HIVEP2: variants seen among roughly 807,000 people sequenced by gnomAD.
HIVEP2 encodes transcription factor HIVEP2.
A neutral mutation model predicts 180.7 loss-of-function variants in HIVEP2; 14 were observed. That is an observed-to-expected ratio of 0.08 (90% CI 0.05 to 0.12). HIVEP2 has a LOEUF of 0.12. HIVEP2 is among the 10% of genes least tolerant of loss of function. HIVEP2 has a pLI of 1.00. For missense variants in HIVEP2, 2,579 were observed against 3,008.5 expected, an observed-to-expected ratio of 0.86 and a Z score of 3.34; for synonymous variants, 1,184 against 1,136.4, an observed-to-expected ratio of 1.04 and a Z score of -0.84.
chr6:142,755,452 A>G (rs909185904), intron 9 of HIVEP2, among the ~76,000 whole-genome samples: 4 of 152,252 alleles, frequency 2.6e-5, no homozygotes, highest in African/African-American at 9.6e-5. Context: ...AAGATAATCA[A>G]GTACGTTTTC....
In HIVEP2 at chr6:142,753,690, A is replaced by G. The variant is rs1458127834; in HGVS notation, c.6758T>C (p.Leu2253Ser). ...ALSSLHPSPT[L>S]PLPMEGFEEK... ...CTCAAAGCCCTCCATTGGCAGGGGC[A>G]ATGTGGGTGAAGGATGTAAACTGGA... Residue 2253 changes from leucine (L) to serine (S), a missense_variant, in exon 10 of 10, where the codon TTG becomes TCG. Leu to Ser is a moderately radical substitution (Grantham distance 145, BLOSUM62 -2). Around this residue, in one of 11 missense-constraint regions of HIVEP2, gnomAD observed 660 missense variants for 731.7 expected, o/e 0.90. Transcript: ENST00000367603. 1.4e-5 allele frequency: 23 copies of G among 1,614,042 alleles called. No homozygotes were observed. Among genetic ancestry groups the G allele is most frequent in the Non-Finnish European group, 1.9e-5 (22 of 1,180,030 alleles).
At chr6:142,756,287 AAGG>A (rs1343072739) in intron 9 of HIVEP2, among the ~76,000 whole-genome samples, 1 of 152,124 alleles carries the variant, frequency 6.6e-6, no homozygotes, top group South Asian at 2.1e-4. Context: ...GGGAGCAGAG[AAGG>A]AGAAGTGACC....
At chr6:142,869,277 C>T (rs766021599) in intron 1 of HIVEP2, among the ~76,000 whole-genome samples, 4 of 152,178 alleles carry the variant, frequency 2.6e-5, no homozygotes, top group Non-Finnish European at 5.9e-5. Flanking sequence ...ATGCTTTCTT[C>T]TAGCTACCTA....
chr6:142,823,801 C>T (rs1052531628), intron 2 of HIVEP2, among the ~76,000 whole-genome samples: 8 of 152,144 alleles, frequency 5.3e-5, no homozygotes, highest in Non-Finnish European at 7.4e-5. Context: ...ACACTAAAAA[C>T]AAACTTGTGA....
At chr6:142,829,729 C>G (rs889773943) in intron 2 of HIVEP2, among the ~76,000 whole-genome samples, 4 of 152,184 alleles carry the variant, frequency 2.6e-5, no homozygotes, top group Non-Finnish European at 5.9e-5. Context: ...CAAAAAAGCT[C>G]AGGTTCCATG....
chr6:142,783,253 G>A (rs188768064), intron 3 of HIVEP2, among the ~76,000 whole-genome samples: 66 of 148,574 alleles, frequency 4.4e-4, no homozygotes, highest in African/African-American at 8.5e-4. Flanking sequence ...ACTTGAACTC[G>A]GGAGGCAGAG....
rs773570163 is a variant in HIVEP2, at chr6:142,761,420, G to A, written c.5620+44C>T. The A allele has an allele frequency of 1.2e-5, 11 of 940,542 alleles. No homozygotes were observed. The South Asian group carries it at 1.4e-4, about 12-fold the overall frequency. The allele number at this position is 940,542 out of a possible 1,614,324, so 58.3% of individuals were successfully genotyped here. A position where few individuals can be genotyped will look rare whatever the true frequency, so the allele number is the denominator to read the frequency against. ...ACTACCTCAGCCACAGAGCTCCACT[G>A]TGCATAATGAAGAGGTCTGTCAACT... On this transcript the variant is annotated intron_variant, in intron 8 of 9. Transcript: ENST00000367603.
intron 2 of HIVEP2, among the ~76,000 whole-genome samples, chr6:142,788,826 A>T (rs1776070623): frequency 6.6e-6 from 1 of 152,220 alleles, no homozygotes; most frequent in Non-Finnish European, 1.5e-5. Context: ...ATATAAACAG[A>T]TTACAAAGGA....
chr6:142,914,118 G>A (rs1476228262), intron 1 of HIVEP2, among the ~76,000 whole-genome samples: 1 of 152,176 alleles, frequency 6.6e-6, no homozygotes, highest in Non-Finnish European at 1.5e-5. Flanking sequence ...CGTATCCGTA[G>A]GTAACCGTGG....
intron 1 of HIVEP2, among the ~76,000 whole-genome samples, chr6:142,901,171 T>G (rs1051333975): frequency 6.6e-6 from 1 of 152,204 alleles, no homozygotes; most frequent in Non-Finnish European, 1.5e-5. Flanking sequence ...AGTGCATACA[T>G]GATGTGTGAG....
At chr6:142,825,122 T>G (rs1774847038) in intron 2 of HIVEP2, among the ~76,000 whole-genome samples, 1 of 152,212 alleles carries the variant, frequency 6.6e-6, no homozygotes, top group Admixed American at 6.5e-5. Flanking sequence ...CCTTCACACT[T>G]AGAAGCTTAG....
Position 142,773,390 on chromosome 6 carries a change from A to C in HIVEP2, c.1349T>G (p.Met450Arg). 1 of 1,614,026 alleles carries C rather than the reference A, an allele frequency of 6.2e-7. No homozygotes were observed. The highest frequency in any genetic ancestry group is 8.5e-7 in the Non-Finnish European group (1 of 1,180,014). Residue 450 changes from methionine (M) to arginine (R), a missense_variant, in exon 5 of 10, where the codon ATG (methionine) becomes AGG (arginine). By Grantham distance (91) the Met-to-Arg change is moderately conservative. Transcript: ENST00000367603. ...VTTTSQERAA[M>R]GRKGIMEPLP... ...TGGTTCCATTATGCCCTTCCTACCC[A>C]TTGCGGCACGCTCCTGACTTGTGGT...
chr6:142,870,698 A>G (rs1191133855), intron 1 of HIVEP2, among the ~76,000 whole-genome samples: 2 of 152,158 alleles, frequency 1.3e-5, no homozygotes, highest in African/African-American at 4.8e-5. Flanking sequence ...ACCCTACCAT[A>G]TAATAATCAT....
intron 2 of HIVEP2, among the ~76,000 whole-genome samples, chr6:142,798,888 C>G (rs1776341872): frequency 6.6e-6 from 1 of 152,080 alleles, no homozygotes; most frequent in South Asian, 2.1e-4. Flanking sequence ...CAGGACAATA[C>G]CTAGCACTTG....
chr6:142,840,294 A>AT (rs111337585), intron 1 of HIVEP2, among the ~76,000 whole-genome samples: 1 of 34,416 alleles, frequency 2.9e-5, no homozygotes, highest in Non-Finnish European at 5.5e-5. Flanking sequence ...ATCCTTATTT[A>AT]TTTTTTTTTT....
At chr6:142,921,150 G>C (rs1777673597) in intron 1 of HIVEP2, among the ~76,000 whole-genome samples, 1 of 152,194 alleles carries the variant, frequency 6.6e-6, no homozygotes, top group Admixed American at 6.5e-5. Flanking sequence ...AAACATACTA[G>C]CAGTGTGACA....
intron 2 of HIVEP2, among the ~76,000 whole-genome samples, chr6:142,784,651 G>A (rs1775939249): frequency 6.6e-6 from 1 of 152,166 alleles, no homozygotes; most frequent in African/African-American, 2.4e-5. Context: ...AGATTCTGGT[G>A]CTGCAAAGGG....
At chr6:142,821,714 G>A (rs1777044362) in intron 2 of HIVEP2, among the ~76,000 whole-genome samples, 1 of 152,148 alleles carries the variant, frequency 6.6e-6, no homozygotes, top group Non-Finnish European at 1.5e-5. Flanking sequence ...AGCCCACTGG[G>A]TTGGCTGAAA....
At position 142,759,801 on chromosome 6, in the gene HIVEP2, G is replaced by C; in HGVS notation, c.6487C>G (p.Gln2163Glu). The change falls in exon 9 of 10, where the codon CAA (glutamine) becomes GAA (glutamate). Residue 2163 changes from glutamine to glutamate, a missense_variant. Physicochemically the swap from Gln to Glu is conservative, Grantham distance 29 (BLOSUM62 2). This residue lies in a region of HIVEP2 where 660 missense variants were observed against 731.7 expected (regional missense o/e 0.90). Transcript: ENST00000367603. Reference protein sequence around the residue: ...NPPLSMGQYLQAEPIVLGPPN... With the variant: ...NPPLSMGQYLEAEPIVLGPPN... ...GGCCCCAATACAATTGGCTCTGCTT[G>C]CAAATACTGTCCCATGGACAATGGT... The C allele has an allele frequency of 6.2e-7, 1 of 1,607,794 alleles. No homozygotes were observed. Among genetic ancestry groups the C allele is most frequent in the African/African-American group, 1.3e-5 (1 of 74,658 alleles).
Sources: gnomAD v4.1 joint callset for allele counts (sites outside exome capture counted in the v4.1 genomes callset) on GRCh38, gnomAD v4.1.1 for gene constraint, gnomAD v4.1.1 regional missense constraint, MANE v1.5 for transcripts, NCBI Gene and HGNC (gene_info 2026-07-23, HGNC 2026-07-21) for gene names.